Variants in TMEM266 observed in about 807,000 individuals in gnomAD.
The protein encoded by TMEM266 is Hv1 related protein 1.
TMEM266 carries 33 observed loss-of-function variants against 50.5 expected under a neutral mutation model. The ratio of observed to expected loss-of-function variants is 0.65; its 90% confidence interval spans 0.50 to 0.87. TMEM266 has a LOEUF of 0.87. TMEM266 is among the 40% of genes least tolerant of loss of function. The pLI is 0.00. For missense variants in TMEM266, 655 were observed against 695.1 expected, an observed-to-expected ratio of 0.94 and a Z score of 0.65; for synonymous variants, 310 against 292.3, an observed-to-expected ratio of 1.06 and a Z score of -0.62.
intron 9 of TMEM266, among the ~76,000 whole-genome samples, chr15:76,200,978 G>C (rs540933521): frequency 9.0e-4 from 137 of 152,296 alleles, no homozygotes; most frequent in Non-Finnish European, 1.8e-3. Flanking sequence ...GCAGCTCACA[G>C]GTGTGCCTGG....
At chr15:76,148,613 T>A (rs535334002) in intron 3 of TMEM266, among the ~76,000 whole-genome samples, 1 of 152,300 alleles carries the variant, frequency 6.6e-6, no homozygotes, top group African/African-American at 2.4e-5. Context: ...CCTTCTGAGA[T>A]GTGTGGTCAG....
In TMEM266 at chr15:76,204,613, T is replaced by G. The variant is rs1048971261; in HGVS notation, c.*298T>G. The G allele has an allele frequency of 1.6e-5, 4 of 246,530 alleles. No individual in the cohort carries two copies. The highest frequency in any genetic ancestry group is 8.3e-5 in the East Asian group (1 of 12,048). 15.3% of individuals were successfully genotyped at this position (246,530 alleles called of 1,614,324 possible). A position where few individuals can be genotyped will look rare whatever the true frequency, so the allele number is the denominator to read the frequency against. On this transcript the variant is annotated 3_prime_UTR_variant, in exon 11 of 11. Coordinates refer to ENST00000388942, the MANE Select transcript of TMEM266 (RefSeq NM_152335.3). ...GGCCCAGCTTCAGCAGGGTAGAGTG[T>G]GGGGGGGCCAGCTCAGCCTCTTGCG...
intron 8 of TMEM266, chr15:76,191,505 A>C: frequency 6.5e-6 from 1 of 153,564 alleles, no homozygotes. Context: ...ACCAGCGGGC[A>C]GTGACGCCAG....
intron 6 of TMEM266, 119 bp downstream of exon 6, chr15:76,169,991 G>C: frequency 5.9e-6 from 6 of 1,020,892 alleles, no homozygotes; most frequent in East Asian, 5.0e-5. Context: ...TCTCCCACTT[G>C]ACCTCTGTGG....
chr15:76,135,721 A>G (rs1166475012), intron 2 of TMEM266, among the ~76,000 whole-genome samples: 3 of 152,208 alleles, frequency 2.0e-5, no homozygotes, highest in African/African-American at 7.2e-5. Flanking sequence ...AATGATGAGT[A>G]CTATTATCTG....
intron 1 of TMEM266, among the ~76,000 whole-genome samples, chr15:76,075,891 T>C (rs9707802): frequency 0.95 from 115,706 of 121,606 alleles, 54,903 homozygotes; most frequent in Middle Eastern, 0.98. Context: ...CGGGCTTTTT[T>C]TGTGTCCCGG....
At chr15:76,141,299 G>A (rs1052944677) in intron 3 of TMEM266, among the ~76,000 whole-genome samples, 4 of 149,668 alleles carry the variant, frequency 2.7e-5, no homozygotes, top group Non-Finnish European at 5.9e-5. Context: ...GTAGTGGCAC[G>A]ATTTTGGCTC....
At chr15:76,069,226 A>G (rs932695911) in intron 1 of TMEM266, among the ~76,000 whole-genome samples, 1 of 152,180 alleles carries the variant, frequency 6.6e-6, no homozygotes, top group African/African-American at 2.4e-5. Flanking sequence ...AGTCTAGTCA[A>G]GTAGGTAGCT....
chr15:76,201,137 G>C (rs1378670327), intron 9 of TMEM266, among the ~76,000 whole-genome samples: 2 of 152,072 alleles, frequency 1.3e-5, no homozygotes, highest in Non-Finnish European at 2.9e-5. Context: ...CATGCTGAGG[G>C]CTTTCTGGTG....
chr15:76,114,815 A>G (rs562119845), intron 1 of TMEM266, among the ~76,000 whole-genome samples: 5 of 152,160 alleles, frequency 3.3e-5, no homozygotes, highest in Admixed American at 2.0e-4. Context: ...AGGAAACCCC[A>G]TTAAAGTCAC....
At chr15:76,203,683 AG>A in intron 10 of TMEM266, 57 bp from the exon 11 acceptor site, 1 of 1,522,776 alleles carries the variant, frequency 6.6e-7, no homozygotes, top group Non-Finnish European at 9.0e-7. Context: ...TGCTCTCTTC[AG>A]GGCCCCCAGG....
chr15:76,122,733 T>G (rs1257748900), intron 1 of TMEM266, among the ~76,000 whole-genome samples: 3 of 152,158 alleles, frequency 2.0e-5, no homozygotes, highest in African/African-American at 7.2e-5. Context: ...TCTGCAGAAT[T>G]CTGGAGGGAA....
chr15:76,164,605 G>A (rs1402600769), intron 5 of TMEM266, among the ~76,000 whole-genome samples: 1 of 152,190 alleles, frequency 6.6e-6, no homozygotes, highest in Non-Finnish European at 1.5e-5. Flanking sequence ...TTGGATCCTG[G>A]AATCCACGTC....
At chr15:76,165,117 G>A (rs930289955) in intron 5 of TMEM266, among the ~76,000 whole-genome samples, 1 of 152,260 alleles carries the variant, frequency 6.6e-6, no homozygotes, top group Non-Finnish European at 1.5e-5. Context: ...TCTGCCATTT[G>A]GCTGAGGCAG....
At chr15:76,140,429 G>C (rs1477132164) in intron 3 of TMEM266, among the ~76,000 whole-genome samples, 1 of 152,216 alleles carries the variant, frequency 6.6e-6, no homozygotes, top group Admixed American at 6.5e-5. Context: ...AAAAGGAAGA[G>C]TCCTCATTTA....
intron 1 of TMEM266, among the ~76,000 whole-genome samples, chr15:76,107,857 C>G (rs980200790): frequency 6.6e-6 from 1 of 152,244 alleles, no homozygotes. Context: ...CTGCACTACT[C>G]TTATTCCATA....
chr15:76,201,493 T>G (rs2038747483), intron 9 of TMEM266, among the ~76,000 whole-genome samples: 1 of 152,080 alleles, frequency 6.6e-6, no homozygotes, highest in African/African-American at 2.4e-5. Flanking sequence ...TCCTCCCACC[T>G]CAGCCTCCCT....
At chr15:76,155,183 G>A (rs1334893671) in intron 3 of TMEM266, among the ~76,000 whole-genome samples, 2 of 152,220 alleles carry the variant, frequency 1.3e-5, no homozygotes, top group Non-Finnish European at 2.9e-5. Flanking sequence ...TGAAGGCAGA[G>A]CCAGAAGTGT....
intron 9 of TMEM266, among the ~76,000 whole-genome samples, chr15:76,196,315 C>G (rs2038655905): frequency 6.6e-6 from 1 of 152,126 alleles, no homozygotes; most frequent in South Asian, 2.1e-4. Flanking sequence ...AGCCTAGGCA[C>G]ATTGTTTCAC....
Sources: allele counts gnomAD v4.1 joint callset (sites outside exome capture counted in the v4.1 genomes callset), GRCh38; gene constraint gnomAD v4.1.1; transcripts MANE v1.5; gene names NCBI Gene and HGNC (gene_info 2026-07-23, HGNC 2026-07-21).